Variants in PTPRG observed in about 807,000 individuals in gnomAD.
PTPRG encodes protein tyrosine phosphatase receptor type G, also known as receptor-type tyrosine-protein phosphatase gamma.
PTPRG carries 102 observed loss-of-function variants against 165.3 expected under a neutral mutation model. The observed-to-expected ratio is 0.62, with a 90% CI of 0.53 to 0.73. The LOEUF (loss-of-function observed/expected upper bound fraction) is 0.73, where lower values mean the gene tolerates loss of function less well. Ranked by LOEUF, PTPRG falls within the 30% of genes least tolerant of loss-of-function variation. The pLI, the probability that PTPRG is intolerant of heterozygous loss-of-function variation, is 0.00. For synonymous variants in PTPRG, 675 were observed against 669.5 expected, an observed-to-expected ratio of 1.01 and a Z score of -0.13; for missense variants, 1,866 against 1,861.4, an observed-to-expected ratio of 1.00 and a Z score of -0.05.
At chr3:61,767,033 C>T (rs1277895498) in intron 2 of PTPRG, among the ~76,000 whole-genome samples, 1 of 151,728 alleles carries the variant, frequency 6.6e-6, no homozygotes, top group Non-Finnish European at 1.5e-5. Flanking sequence ...GACTTGAGGT[C>T]AGGAGTTCGA....
intron 15 of PTPRG, among the ~76,000 whole-genome samples, chr3:62,251,556 A>T (rs1200457007): frequency 6.6e-6 from 1 of 152,116 alleles, no homozygotes; most frequent in Non-Finnish European, 1.5e-5. Flanking sequence ...GGATCACTTG[A>T]GCTCAGGAGT....
chr3:62,031,103 G>T (rs930486804), intron 4 of PTPRG, among the ~76,000 whole-genome samples: 3 of 152,170 alleles, frequency 2.0e-5, no homozygotes, highest in African/African-American at 7.2e-5. Context: ...AGTATTGAAG[G>T]AAGGATGAAC....
At chr3:61,991,206 G>T (rs531146911) in intron 3 of PTPRG, among the ~76,000 whole-genome samples, 1 of 152,074 alleles carries the variant, frequency 6.6e-6, no homozygotes, top group Non-Finnish European at 1.5e-5. Context: ...TTATTTGTAC[G>T]TAATTTTTTA....
At chr3:61,579,709 C>T (rs1396053735) in intron 1 of PTPRG, among the ~76,000 whole-genome samples, 1 of 152,190 alleles carries the variant, frequency 6.6e-6, no homozygotes, top group African/African-American at 2.4e-5. Flanking sequence ...TTGTGAATTG[C>T]ACTTATTGGA....
chr3:61,582,818 G>A (rs913274063), intron 1 of PTPRG, among the ~76,000 whole-genome samples: 2 of 152,216 alleles, frequency 1.3e-5, no homozygotes, highest in South Asian at 2.1e-4. Flanking sequence ...CCATGTGTTA[G>A]CACTTTGCTT....
At chr3:62,097,653 C>T (rs1026287828) in intron 5 of PTPRG, among the ~76,000 whole-genome samples, 1 of 152,180 alleles carries the variant, frequency 6.6e-6, no homozygotes, top group African/African-American at 2.4e-5. Flanking sequence ...TTTGTACCAT[C>T]TGTATCTAGC....
At chr3:61,636,824 A>T (rs1701922760) in intron 1 of PTPRG, among the ~76,000 whole-genome samples, 1 of 152,094 alleles carries the variant, frequency 6.6e-6, no homozygotes. Flanking sequence ...CTGCACTGTG[A>T]TGATTTTTTG....
At chr3:61,610,907 A>G (rs1315317605) in intron 1 of PTPRG, among the ~76,000 whole-genome samples, 2 of 151,984 alleles carry the variant, frequency 1.3e-5, no homozygotes, top group East Asian at 3.9e-4. Context: ...TCTGGGTTCA[A>G]GTGATTCTCC....
chr3:62,203,688 C>G lies in PTPRG; in HGVS notation c.1893C>G (p.Asn631Lys). Residue 631 changes from asparagine (N) to lysine (K), a missense_variant, in exon 12 of 30, where the codon AAC (asparagine) becomes AAG (lysine). Transcript: ENST00000474889. The surrounding 1 kb of genome is among the most constrained non-coding windows in gnomAD (Gnocchi z 6.4). ...TEPSPTPSSPNRTAEGGHQTI... is the reference protein window; with the variant it reads ...TEPSPTPSSPKRTAEGGHQTI... ...CCAGCCCCACACCCTCGTCTCCTAA[C>G]AGGACTGCCGAGGGAGGGCATCAGA... is the stretch of plus-strand genomic sequence containing the variant. 6.4e-7 allele frequency: 1 copy of G among 1,571,874 alleles called. No homozygotes were observed. The highest frequency in any genetic ancestry group is 8.6e-7 in the Non-Finnish European group (1 of 1,157,956).
chr3:61,979,204 G>A (rs1010564728), intron 2 of PTPRG, among the ~76,000 whole-genome samples: 1 of 152,128 alleles, frequency 6.6e-6, no homozygotes, highest in Non-Finnish European at 1.5e-5. Flanking sequence ...GTTGATTATT[G>A]ATTTTTCCTT....
At chr3:61,888,157 C>A (rs367735235) in intron 2 of PTPRG, among the ~76,000 whole-genome samples, 1 of 151,654 alleles carries the variant, frequency 6.6e-6, no homozygotes, top group Non-Finnish European at 1.5e-5. Context: ...GTACAAAAAC[C>A]GTCTGTATAC....
rs753582195 is a variant in PTPRG, at chr3:62,262,914, C to T, written c.2656+20C>T. 1.3e-6 allele frequency: 2 copies of T among 1,543,854 alleles called. No homozygotes were observed. Among genetic ancestry groups the T allele is most frequent in the South Asian group, 2.2e-5 (2 of 89,048 alleles). Reference sequence around the variant, plus strand: ...TAGCATGTGAGTAATAAGCTTTAAACTACCTTCAACTGCGAGGAAATTAAA... The same window carrying T: ...TAGCATGTGAGTAATAAGCTTTAAATTACCTTCAACTGCGAGGAAATTAAA... On this transcript the variant is annotated intron_variant, in intron 17 of 29. Coordinates refer to ENST00000474889, the MANE Select transcript of PTPRG (RefSeq NM_002841.4).
chr3:61,769,441 TTTG>T, intron 2 of PTPRG: 1 of 152,286 alleles, frequency 6.6e-6, no homozygotes, highest in African/African-American at 2.4e-5. Flanking sequence ...GCCTGGCTAA[TTTG>T]TTCTTTTTCA....
At chr3:62,231,784 G>A (rs138594003) in intron 14 of PTPRG, among the ~76,000 whole-genome samples, 162 of 151,824 alleles carry the variant, frequency 1.1e-3, no homozygotes, top group African/African-American at 3.7e-3. Flanking sequence ...GAGCAAACAT[G>A]GATGTACTAT....
At chr3:61,620,494 G>A (rs1701419876) in intron 1 of PTPRG, among the ~76,000 whole-genome samples, 1 of 152,146 alleles carries the variant, frequency 6.6e-6, no homozygotes, top group Non-Finnish European at 1.5e-5. Context: ...GAATCCGCCA[G>A]GAATCAAATA....
intron 2 of PTPRG, among the ~76,000 whole-genome samples, chr3:61,791,567 A>C (rs960813850): frequency 1.3e-5 from 2 of 152,214 alleles, no homozygotes; most frequent in African/African-American, 4.8e-5. Flanking sequence ...GGGTAACTGC[A>C]ACCTCTGCCT....
At chr3:62,162,418 T>G (rs530396147) in intron 7 of PTPRG, among the ~76,000 whole-genome samples, 1 of 152,362 alleles carries the variant, frequency 6.6e-6, no homozygotes, top group East Asian at 1.9e-4. Flanking sequence ...ATAAAAACTT[T>G]CATTTATTTT....
At chr3:62,078,091 T>G in intron 4 of PTPRG, 72 bp from the exon 5 acceptor site, 1 of 996,016 alleles carries the variant, frequency 1.0e-6, no homozygotes, top group Non-Finnish European at 1.5e-6. Flanking sequence ...TATACATTTA[T>G]GGTACTATTC....
chr3:61,684,754 T>A (rs993400126), intron 1 of PTPRG, among the ~76,000 whole-genome samples: 3 of 152,238 alleles, frequency 2.0e-5, no homozygotes, highest in Non-Finnish European at 4.4e-5. Context: ...TAATGTAGAT[T>A]AAAACTTGCC....
Sources: gnomAD v4.1 joint callset for allele counts (sites outside exome capture counted in the v4.1 genomes callset) on GRCh38, gnomAD v4.1.1 for gene constraint, Gnocchi (gnomAD v3.1) non-coding constraint, MANE v1.5 for transcripts, NCBI Gene and HGNC (gene_info 2026-07-23, HGNC 2026-07-21) for gene names.